The following NACC2 variants were observed in gnomAD, a reference collection of about 807,000 sequenced individuals.
NACC2 encodes nucleus accumbens-associated protein 2.
A neutral mutation model predicts 25.1 loss-of-function variants in NACC2; 8 were observed. The observed-to-expected ratio is 0.32, with a 90% CI of 0.19 to 0.57. The LOEUF (loss-of-function observed/expected upper bound fraction) is 0.57, where lower values mean the gene tolerates loss of function less well. Among genes scored for constraint, NACC2 ranks in the 20% least tolerant of loss-of-function variants. The pLI is 0.89. For synonymous variants in NACC2, 435 were observed against 294.7 expected, an observed-to-expected ratio of 1.48 and a Z score of -4.88; for missense variants, 644 against 650.2, an observed-to-expected ratio of 0.99 and a Z score of 0.10.
At chr9:136,089,533 G>A (rs1830414455) in intron 1 of NACC2, among the ~76,000 whole-genome samples, 2 of 151,806 alleles carry the variant, frequency 1.3e-5, no homozygotes, top group South Asian at 4.1e-4. Context: ...CCCCAGCGCT[G>A]GGGGCCTCTC....
intron 1 of NACC2, among the ~76,000 whole-genome samples, chr9:136,077,006 A>G (rs181920180): frequency 6.6e-5 from 10 of 151,988 alleles, no homozygotes; most frequent in Non-Finnish European, 1.2e-4. Context: ...ACTCTGTCTC[A>G]AAAATAAATA....
intron 2 of NACC2, among the ~76,000 whole-genome samples, chr9:136,039,963 G>T (rs892735317): frequency 6.6e-6 from 1 of 152,112 alleles, no homozygotes; most frequent in African/African-American, 2.4e-5. Flanking sequence ...GGCCTATGTA[G>T]GAAATGCCAA....
chr9:136,024,971 C>G (rs1040177035), intron 2 of NACC2, among the ~76,000 whole-genome samples: 5 of 152,242 alleles, frequency 3.3e-5, no homozygotes, highest in Admixed American at 6.5e-5. Context: ...CCTTGGATAT[C>G]TGCTGACTAC....
chr9:136,038,953 G>C lies in NACC2; in HGVS notation c.886+10683C>G, dbSNP rs1239496603. Among the ~76,000 whole-genome samples, 9 of 152,316 alleles carry C rather than the reference G, an allele frequency of 5.9e-5. No homozygotes were observed. In the East Asian group the frequency reaches 1.5e-3, roughly 26 times the overall value. ...AGGAGAAAAGGTAAATGAACAAATA[G>C]CAAGATGGTAGACGTACACCTAAAG... On this transcript the variant is annotated intron_variant, in intron 2 of 5. Transcript: ENST00000277554.
At position 136,020,605 on chromosome 9, in the gene NACC2, C is replaced by T. The variant is rs908044812; in HGVS notation, c.887-4176G>A. Among the ~76,000 whole-genome samples, 1 of 152,176 alleles carries T rather than the reference C, an allele frequency of 6.6e-6. No homozygotes were observed. The highest frequency in any genetic ancestry group is 1.5e-5 in the Non-Finnish European group (1 of 68,034). ...AGTGTATACCATTTGTTAAAATGCA[C>T]CACAAGAAAATGAGCCCCTAGTCCT... is the stretch of plus-strand genomic sequence containing the variant. On this transcript the variant is annotated intron_variant, in intron 2 of 5. Transcript: ENST00000277554. This position sits in a 1 kb window ranked among gnomAD's most constrained non-coding sequence, Gnocchi z 4.7.
At chr9:136,071,371 C>T (rs570190451) in intron 1 of NACC2, among the ~76,000 whole-genome samples, 11 of 151,976 alleles carry the variant, frequency 7.2e-5, no homozygotes, top group East Asian at 1.9e-4. Flanking sequence ...GGTGAAACCC[C>T]GTCTCTACTA....
intron 2 of NACC2, among the ~76,000 whole-genome samples, chr9:136,042,490 C>A (rs1051190775): frequency 3.3e-5 from 5 of 152,088 alleles, no homozygotes; most frequent in African/African-American, 4.8e-5. Context: ...TCAGTGGAGA[C>A]CTGGTGCTGC....
At chr9:136,021,362 G>A (rs555247810) in intron 2 of NACC2, among the ~76,000 whole-genome samples, 7 of 152,302 alleles carry the variant, frequency 4.6e-5, no homozygotes, top group African/African-American at 9.6e-5. Context: ...TAAAAACACC[G>A]ACGCCAAGTG....
intron 1 of NACC2, among the ~76,000 whole-genome samples, chr9:136,061,746 G>A (rs563463782): frequency 1.3e-5 from 2 of 152,200 alleles, no homozygotes; most frequent in African/African-American, 2.4e-5. Context: ...GTGGGTGGGC[G>A]GGGACAAGCA....
intron 2 of NACC2, among the ~76,000 whole-genome samples, chr9:136,017,903 C>T (rs1288753264): frequency 1.3e-5 from 2 of 152,346 alleles, no homozygotes; most frequent in Admixed American, 6.5e-5. Context: ...CCCGATTGCA[C>T]GAGGGCAGCC....
chr9:136,013,782 G>T lies in NACC2; in HGVS notation c.1157+82C>A. On this transcript the variant is annotated intron_variant, in intron 4 of 5. Coordinates refer to ENST00000277554, the MANE Select transcript of NACC2 (RefSeq NM_144653.5). The surrounding 1 kb of genome is among the most constrained non-coding windows in gnomAD (Gnocchi z 6.6). ...GAGGGCTTTCAATGCCACAACCCTG[G>T]ACGATCAGACAGCTCATAGCTAAAG... 1 of 1,270,440 alleles carries T rather than the reference G, an allele frequency of 7.9e-7. No individual in the cohort carries two copies. The allele number at this position is 1,270,440 out of a possible 1,614,324, so 78.7% of individuals were successfully genotyped here.
chr9:136,055,938 G>A lies in NACC2; in HGVS notation c.-59-5358C>T, dbSNP rs1172329886. Among the ~76,000 whole-genome samples the A allele has an allele frequency of 3.3e-5, 5 of 152,220 alleles. No individual in the cohort carries two copies. The highest frequency in any genetic ancestry group is 2.6e-4 in the Admixed American group (4 of 15,278). On this transcript the variant is annotated intron_variant, in intron 1 of 5. Coordinates refer to ENST00000277554, the MANE Select transcript of NACC2 (RefSeq NM_144653.5). The surrounding 1 kb of genome is among the most constrained non-coding windows in gnomAD (Gnocchi z 4.9). ...GGCCTGCTGTGCCAGGTGCTCTGGA[G>A]TCAGCAGGAGCACAGGGGGTGTTAG...
chr9:136,080,026 T>A (rs1344590985), intron 1 of NACC2, among the ~76,000 whole-genome samples: 1 of 152,166 alleles, frequency 6.6e-6, no homozygotes, highest in Non-Finnish European at 1.5e-5. Flanking sequence ...GGGGCTGACC[T>A]GATAGCCCAC....
intron 2 of NACC2, among the ~76,000 whole-genome samples, chr9:136,021,399 C>T (rs889331199): frequency 1.3e-5 from 2 of 152,170 alleles, no homozygotes; most frequent in Admixed American, 6.5e-5. Context: ...GCAGCTGGGA[C>T]GTCCTGACGA....
chr9:136,037,872 AAACTT>A (rs1245639759), intron 2 of NACC2, among the ~76,000 whole-genome samples: 2 of 151,404 alleles, frequency 1.3e-5, no homozygotes, highest in East Asian at 2.0e-4. Flanking sequence ...AAAAAAATGA[AAACTT>A]AAGTGCATAC....
At position 136,007,782 on chromosome 9, in the gene NACC2, C is replaced by T. The variant is rs1840047191; in HGVS notation, c.*3734G>A. 6.6e-6 allele frequency: 1 copy of T among 152,244 alleles called. No individual in the cohort carries two copies. Among genetic ancestry groups the T allele is most frequent in the African/African-American group, 2.4e-5 (1 of 41,444 alleles). 9.4% of individuals were successfully genotyped at this position (152,244 alleles called of 1,614,324 possible). A position where few individuals can be genotyped will look rare whatever the true frequency, so the allele number is the denominator to read the frequency against. On this transcript the variant is annotated 3_prime_UTR_variant, in exon 6 of 6. Transcript: ENST00000277554. ...TTTTCCACTTGCTGCCAAGATGTTTCCATAAAAATTTCCCTTTGAGGGGAG... is the reference window on the plus strand; with the variant it reads ...TTTTCCACTTGCTGCCAAGATGTTTTCATAAAAATTTCCCTTTGAGGGGAG...
At chr9:136,012,353 A>C (rs1285636487) in intron 5 of NACC2, among the ~76,000 whole-genome samples, 5 of 152,204 alleles carry the variant, frequency 3.3e-5, no homozygotes, top group Non-Finnish European at 7.3e-5. Context: ...GGAACTGGTC[A>C]GAGGGTCCCC....
chr9:136,027,613 A>G (rs997078830), intron 2 of NACC2, among the ~76,000 whole-genome samples: 3 of 152,152 alleles, frequency 2.0e-5, no homozygotes, highest in African/African-American at 4.8e-5. Context: ...ACATTGCTAC[A>G]TAACACAAGG....
chr9:136,028,804 C>G (rs918843754), intron 2 of NACC2, among the ~76,000 whole-genome samples: 2 of 152,222 alleles, frequency 1.3e-5, no homozygotes, highest in Non-Finnish European at 2.9e-5. Flanking sequence ...TGGCCCTCTC[C>G]TCACTTCCAG....
Sources: allele counts gnomAD v4.1 joint callset (sites outside exome capture counted in the v4.1 genomes callset), GRCh38; gene constraint gnomAD v4.1.1; non-coding constraint Gnocchi (gnomAD v3.1); transcripts MANE v1.5; gene names NCBI Gene and HGNC (gene_info 2026-07-23, HGNC 2026-07-21).